TIAL1: variants seen among roughly 807,000 people sequenced by gnomAD.
TIAL1 encodes the protein nucleolysin TIAR.
In TIAL1, 7 loss-of-function variants were observed where a neutral mutation model predicts 59.7. The ratio of observed to expected loss-of-function variants is 0.12; its 90% CI spans 0.07 to 0.22. The LOEUF (loss-of-function observed/expected upper bound fraction) is 0.22. Among genes scored for constraint, TIAL1 ranks in the 10% least tolerant of loss-of-function variants. TIAL1 has a pLI of 1.00. For missense variants in TIAL1, 225 were observed against 462.5 expected (o/e 0.49, Z 4.71); for synonymous variants, 149 against 146.3 (o/e 1.02, Z -0.13).
rs1397892354 is a variant in TIAL1, at chr10:119,579,922, T to G, written c.447+13A>C. The G allele has an allele frequency of 1.3e-6, 2 of 1,571,196 alleles. No homozygotes were observed. The highest frequency in any genetic ancestry group is 1.7e-6 in the Non-Finnish European group (2 of 1,163,518). ...TAGTATTAAAAAATATAAATTGAGA[T>G]GGAAGAACGTACCAGTTTGTTATAA... On this transcript the variant is annotated intron_variant, in intron 6 of 11. Coordinates refer to ENST00000436547, the MANE Select transcript of TIAL1 (RefSeq NM_003252.4).
intron 1 of TIAL1, among the ~76,000 whole-genome samples, chr10:119,591,609 T>C (rs967667701): frequency 4.7e-4 from 71 of 152,306 alleles, no homozygotes; most frequent in African/African-American, 1.5e-3. Context: ...TTTTTCAAAT[T>C]ATCTCCACTA....
At chr10:119,578,158 G>A (rs1589862395) in intron 7 of TIAL1, among the ~76,000 whole-genome samples, 1 of 150,476 alleles carries the variant, frequency 6.6e-6, no homozygotes, top group East Asian at 2.0e-4. Flanking sequence ...CTGCGAGGCG[G>A]AGGTTGCAGT....
chr10:119,596,660 G>C lies in TIAL1; in HGVS notation c.-195C>G. 1 of 596,018 alleles carries C rather than the reference G, an allele frequency of 1.7e-6. No individual in the cohort carries two copies. Among genetic ancestry groups the C allele is most frequent in the South Asian group, 2.0e-5 (1 of 50,368 alleles). 36.9% of individuals were successfully genotyped at this position (596,018 alleles called of 1,614,324 possible). A position where few individuals can be genotyped will look rare whatever the true frequency, so the allele number is the denominator to read the frequency against. On this transcript the variant is annotated 5_prime_UTR_variant, in exon 1 of 12. Transcript: ENST00000436547. ...CAACCAGGAGGAGCAGGAGGAGGAG[G>C]AGGATGAACAAAATGGCCGCCGCCA...
chr10:119,577,575 T>C, intron 8 of TIAL1, 40 bp from the exon 9 acceptor site: 1 of 1,607,636 alleles, frequency 6.2e-7, no homozygotes, highest in South Asian at 1.1e-5. Context: ...GGCTGATGTG[T>C]ATCATGAAAT....
Position 119,575,653 on chromosome 10 carries a change from T to C in TIAL1, c.*12A>G. The C allele has an allele frequency of 6.2e-7, 1 of 1,613,620 alleles. No individual in the cohort carries two copies. The highest frequency in any genetic ancestry group is 8.5e-7 in the Non-Finnish European group (1 of 1,179,772). ...CCTATCATGAATTACAATTTTTTTT[T>C]AGAGTCCCGGCTCACTGTGTTTGGT... On this transcript the variant is annotated 3_prime_UTR_variant, in exon 12 of 12. Transcript: ENST00000436547.
At chr10:119,589,603 T>C (rs910250126) in intron 1 of TIAL1, among the ~76,000 whole-genome samples, 2 of 152,206 alleles carry the variant, frequency 1.3e-5, no homozygotes, top group African/African-American at 2.4e-5. Context: ...CTTTTGACTA[T>C]GGACACTTAA....
chr10:119,594,108 A>G (rs1401398911), intron 1 of TIAL1, among the ~76,000 whole-genome samples: 1 of 151,716 alleles, frequency 6.6e-6, no homozygotes, highest in Non-Finnish European at 1.5e-5. Context: ...GGGTGGGAGA[A>G]GGAAAAAGGA....
intron 6 of TIAL1, 156 bp from the exon 7 acceptor site, chr10:119,578,990 G>C (rs1463061148): frequency 1.6e-6 from 1 of 618,794 alleles, no homozygotes; most frequent in Non-Finnish European, 2.9e-6. Flanking sequence ...TTACCAATTA[G>C]AAAACGATTT....
At chr10:119,578,549 T>C (rs1393134387) in intron 7 of TIAL1, among the ~76,000 whole-genome samples, 177 bp downstream of exon 7, 1 of 152,042 alleles carries the variant, frequency 6.6e-6, no homozygotes, top group Non-Finnish European at 1.5e-5. Flanking sequence ...AAGGATCACT[T>C]ATACCCAGGA....
At position 119,578,224 on chromosome 10, in the gene TIAL1, C is replaced by CA. The variant is rs10541595; in HGVS notation, c.557-489dup. Reference sequence around the variant, plus strand: ...TGGGTGACAGAGCGAGACTCCACCTCAAAAAAAAAAAAAAAAAAAAAAAAA... The same window carrying CA: ...TGGGTGACAGAGCGAGACTCCACCTCAAAAAAAAAAAAAAAAAAAAAAAAAA... On this transcript the variant is annotated intron_variant, in intron 7 of 11. Transcript: ENST00000436547. Among the ~76,000 whole-genome samples, 137 of 57,382 alleles carry CA rather than the reference C, an allele frequency of 2.4e-3. 6 individuals are homozygous for CA. Among genetic ancestry groups the CA allele is most frequent in the Middle Eastern group, 0.015 (1 of 68 alleles). 37.6% of individuals were successfully genotyped at this position (57,382 alleles called of 152,430 possible). A position where few individuals can be genotyped will look rare whatever the true frequency, so the allele number is the denominator to read the frequency against.
In TIAL1 at chr10:119,584,016, A is replaced by G. The variant is rs192797740; in HGVS notation, c.130-1459T>C. Among the ~76,000 whole-genome samples, 91 of 152,316 alleles carry G rather than the reference A, an allele frequency of 6.0e-4. No homozygotes were observed. The South Asian group carries it at 7.9e-3, about 13-fold the overall frequency. On this transcript the variant is annotated intron_variant, in intron 2 of 11. Coordinates refer to ENST00000436547, the MANE Select transcript of TIAL1 (RefSeq NM_003252.4). Reference sequence around the variant, plus strand: ...TTTCACTCCTATCTCTTTTGCCCCAATGGTCTCTAAGGAAAACACTGATAA... The same window carrying G: ...TTTCACTCCTATCTCTTTTGCCCCAGTGGTCTCTAAGGAAAACACTGATAA...
At chr10:119,577,366 A>G in intron 9 of TIAL1, 85 bp downstream of exon 9, 3 of 1,462,468 alleles carry the variant, frequency 2.1e-6, no homozygotes, top group Non-Finnish European at 2.8e-6. Context: ...GCACTAAAAT[A>G]ACAAACACTG....
intron 1 of TIAL1, among the ~76,000 whole-genome samples, chr10:119,591,780 C>T (rs773458548): frequency 1.3e-5 from 2 of 152,180 alleles, no homozygotes; most frequent in African/African-American, 4.8e-5. Flanking sequence ...TTTTCTTTTA[C>T]TGAGTTCTTG....
chr10:119,584,028 G>A (rs1381759783), intron 2 of TIAL1, among the ~76,000 whole-genome samples: 1 of 152,120 alleles, frequency 6.6e-6, no homozygotes, highest in African/African-American at 2.4e-5. Context: ...GGTCTCTAAG[G>A]AAAACACTGA....
At chr10:119,595,222 C>T (rs748108722) in intron 1 of TIAL1, among the ~76,000 whole-genome samples, 2 of 152,130 alleles carry the variant, frequency 1.3e-5, no homozygotes, top group Non-Finnish European at 2.9e-5. Flanking sequence ...AGTCAAACTT[C>T]TCGAGTGCCC....
chr10:119,580,020 G>C lies in TIAL1; in HGVS notation c.372-10C>G. On this transcript the variant is annotated splice_polypyrimidine_tract_variant and intron_variant, in intron 5 of 11. Transcript: ENST00000436547. ...AACTACCCGGGCATCCCTGTGAAAA[G>C]AAGCACAGCTAAATGAGGGAAGTAA... is the stretch of plus-strand genomic sequence containing the variant. The C allele has an allele frequency of 1.2e-6, 2 of 1,608,160 alleles. No individual in the cohort carries two copies. The highest frequency in any genetic ancestry group is 1.1e-5 in the South Asian group (1 of 89,870).
chr10:119,587,087 T>C (rs1392265982), intron 2 of TIAL1, among the ~76,000 whole-genome samples: 1 of 152,330 alleles, frequency 6.6e-6, no homozygotes, highest in Non-Finnish European at 1.5e-5. Flanking sequence ...AAAATGATGA[T>C]TGTCATTACT....
intron 1 of TIAL1, among the ~76,000 whole-genome samples, chr10:119,591,604 C>T (rs1845884483): frequency 6.6e-6 from 1 of 152,046 alleles, no homozygotes. Context: ...TCCTATTTTT[C>T]AAATTATCTC....
At chr10:119,581,705 C>A (rs2133970510) in intron 5 of TIAL1, 1 of 393,128 alleles carries the variant, frequency 2.5e-6, no homozygotes, top group East Asian at 3.8e-5. Flanking sequence ...ACATATTATA[C>A]ACAGGATTAG....
Sources: allele counts gnomAD v4.1 joint callset (sites outside exome capture counted in the v4.1 genomes callset), GRCh38; gene constraint gnomAD v4.1.1; transcripts MANE v1.5; gene names NCBI Gene and HGNC (gene_info 2026-07-23, HGNC 2026-07-21).